The following GSPT1 variants were observed in gnomAD, a reference collection of about 807,000 sequenced individuals.
The protein encoded by GSPT1 is eukaryotic peptide chain release factor GTP-binding subunit ERF3A.
In GSPT1, 20 loss-of-function variants were observed where a neutral mutation model predicts 72.5. The ratio of observed to expected loss-of-function variants is 0.28; its 90% confidence interval spans 0.19 to 0.40. The LOEUF (loss-of-function observed/expected upper bound fraction) is 0.40. Ranked by LOEUF, GSPT1 falls within the 10% of genes least tolerant of loss-of-function variation. GSPT1 has a pLI of 1.00. For missense variants in GSPT1, 580 were observed against 811.9 expected, an observed-to-expected ratio of 0.71 and a Z score of 3.47; for synonymous variants, 334 against 293.5, an observed-to-expected ratio of 1.14 and a Z score of -1.41.
intron 1 of GSPT1, among the ~76,000 whole-genome samples, chr16:11,911,550 T>C (rs1567453731): frequency 1.3e-5 from 1 of 77,552 alleles, no homozygotes; most frequent in Non-Finnish European, 2.2e-5. Flanking sequence ...CACACCCAGC[T>C]ATTTTTTTTT....
At chr16:11,910,250 G>A (rs1271474638) in intron 1 of GSPT1, among the ~76,000 whole-genome samples, 1 of 152,168 alleles carries the variant, frequency 6.6e-6, no homozygotes. Flanking sequence ...TTAGTTTTAT[G>A]AGAGTGACAA....
At chr16:11,900,398 A>G (rs2054391291) in intron 1 of GSPT1, among the ~76,000 whole-genome samples, 1 of 151,986 alleles carries the variant, frequency 6.6e-6, no homozygotes. Context: ...TGGGCCAGAC[A>G]AGGATAAAAG....
chr16:11,915,877 T>G lies in GSPT1; in HGVS notation c.-157A>C. On this transcript the variant is annotated 5_prime_UTR_variant, in exon 1 of 15. Transcript: ENST00000434724. ...TCCCCGGCGTCGCCGCGGCAGCAGCTCCAGTCCCGACTCCACACTCGCGAC... is the reference window on the plus strand; with the variant it reads ...TCCCCGGCGTCGCCGCGGCAGCAGCGCCAGTCCCGACTCCACACTCGCGAC... The G allele has an allele frequency of 8.9e-7, 1 of 1,120,614 alleles. No individual in the cohort carries two copies. The highest frequency in any genetic ancestry group is 1.3e-6 in the Non-Finnish European group (1 of 750,188). 69.4% of individuals were successfully genotyped at this position (1,120,614 alleles called of 1,614,324 possible).
At chr16:11,885,001 G>A (rs537308985) in intron 10 of GSPT1, among the ~76,000 whole-genome samples, 180 bp downstream of exon 10, 1 of 152,150 alleles carries the variant, frequency 6.6e-6, no homozygotes, top group South Asian at 2.1e-4. Context: ...CAAGGAGGCA[G>A]AGCTTGCAGT....
intron 1 of GSPT1, among the ~76,000 whole-genome samples, chr16:11,914,374 G>A (rs550872130): frequency 1.3e-5 from 2 of 152,294 alleles, no homozygotes; most frequent in South Asian, 4.1e-4. Context: ...GCACCTGCAA[G>A]CATGCTACCT....
At chr16:11,895,061 C>G (rs2054316942) in intron 4 of GSPT1, 74 bp from the exon 5 acceptor site, 2 of 830,280 alleles carry the variant, frequency 2.4e-6, no homozygotes, top group East Asian at 2.6e-5. Context: ...ACAACAGCAC[C>G]CTTTAACATA....
At chr16:11,882,138 A>C (rs1401101327) in intron 11 of GSPT1, 2 of 152,206 alleles carry the variant, frequency 1.3e-5, no homozygotes, top group African/African-American at 4.8e-5. Flanking sequence ...AAAATTAGCC[A>C]GATATGGTGA....
intron 11 of GSPT1, among the ~76,000 whole-genome samples, chr16:11,879,410 A>T (rs1194844666): frequency 6.7e-6 from 1 of 150,302 alleles, no homozygotes; most frequent in East Asian, 2.0e-4. Flanking sequence ...AAAAGAAAGA[A>T]ACAAGAGTTT....
In GSPT1 at chr16:11,894,973, T is replaced by G. The variant is rs1309717415; in HGVS notation, c.679A>C (p.Thr227Pro). The change falls in exon 5 of 15, where the codon ACC (threonine) becomes CCC (proline). Residue 227 changes from threonine (T) to proline (P), a missense_variant. Coordinates refer to ENST00000434724, the MANE Select transcript of GSPT1 (RefSeq NM_002094.4). ...FIGHVDAGKS[T>P]IGGQIMYLTG... Reference sequence around the variant, plus strand: ...ACTTACATTATTTGTCCTCCAATGGTTGACTTGCCAGCATCTAAAAGTAAC... The same window carrying G: ...ACTTACATTATTTGTCCTCCAATGGGTGACTTGCCAGCATCTAAAAGTAAC... The G allele has an allele frequency of 6.3e-7, 1 of 1,590,196 alleles. No individual in the cohort carries two copies. Among genetic ancestry groups the G allele is most frequent in the African/African-American group, 1.3e-5 (1 of 74,566 alleles).
chr16:11,871,959 A>G lies in GSPT1; in HGVS notation c.*1160T>C, dbSNP rs573571675. 2 of 152,334 alleles carry G rather than the reference A, an allele frequency of 1.3e-5. No individual in the cohort carries two copies. The highest frequency in any genetic ancestry group is 3.9e-4 in the East Asian group (2 of 5,192). The allele number at this position is 152,334 out of a possible 1,614,324, so 9.4% of individuals were successfully genotyped here. A position where few individuals can be genotyped will look rare whatever the true frequency, so the allele number is the denominator to read the frequency against. The stretch of plus-strand genomic sequence containing the variant: ...CAGTCAATTTCAAATAATTGAGATA[A>G]AACTTATACCCTGCTTGATTCTGCT... On this transcript the variant is annotated 3_prime_UTR_variant, in exon 15 of 15. Transcript: ENST00000434724.
chr16:11,874,774 C>G lies in GSPT1; in HGVS notation c.1861+987G>C, dbSNP rs148320608. 1.3e-4 allele frequency among the ~76,000 whole-genome samples: 20 copies of G among 152,180 alleles called. No homozygotes were observed. In the East Asian group the frequency reaches 3.9e-3, roughly 29 times the overall value. ...CACAGTTCCTGACACTTTGTAGATA[C>G]AAAGTAGTTTTTGCTAAATGGAATT... is the stretch of plus-strand genomic sequence containing the variant. On this transcript the variant is annotated intron_variant, in intron 14 of 14. Coordinates refer to ENST00000434724, the MANE Select transcript of GSPT1 (RefSeq NM_002094.4).
chr16:11,898,915 T>C (rs1420570435), intron 1 of GSPT1, among the ~76,000 whole-genome samples: 1 of 152,176 alleles, frequency 6.6e-6, no homozygotes, highest in Non-Finnish European at 1.5e-5. Context: ...TTTCCTATAC[T>C]AGAACTCTAA....
At chr16:11,884,845 G>C (rs1163551712) in intron 10 of GSPT1, among the ~76,000 whole-genome samples, 2 of 151,204 alleles carry the variant, frequency 1.3e-5, no homozygotes, top group Non-Finnish European at 2.9e-5. Context: ...GAGGCAGGTG[G>C]ATCACAAGGT....
intron 10 of GSPT1, among the ~76,000 whole-genome samples, chr16:11,884,290 C>T (rs1437888529): frequency 6.6e-6 from 1 of 152,148 alleles, no homozygotes; most frequent in Non-Finnish European, 1.5e-5. Flanking sequence ...TATGCATCAA[C>T]TTTAATAAGA....
chr16:11,884,488 G>T (rs2054162103), intron 10 of GSPT1, among the ~76,000 whole-genome samples: 3 of 152,350 alleles, frequency 2.0e-5, no homozygotes, highest in South Asian at 4.1e-4. Context: ...GACCGGGCAT[G>T]GTGGCTCATG....
intron 1 of GSPT1, among the ~76,000 whole-genome samples, chr16:11,909,507 A>G (rs76335558): frequency 2.0e-5 from 3 of 152,212 alleles, no homozygotes; most frequent in African/African-American, 7.2e-5. Flanking sequence ...AATTCTAAAC[A>G]TGCCCCAATA....
rs555491709 is a variant in GSPT1 at position 11,875,022 on chromosome 16, T to A, written c.1861+739A>T. On this transcript the variant is annotated intron_variant, in intron 14 of 14. Coordinates refer to ENST00000434724, the MANE Select transcript of GSPT1 (RefSeq NM_002094.4). ...CTGGCTAACGTGGTGAAACCCCGTCTCTACAAAAATACAAAAAATTAGCCA... is the reference window on the plus strand; with the variant it reads ...CTGGCTAACGTGGTGAAACCCCGTCACTACAAAAATACAAAAAATTAGCCA... Among the ~76,000 whole-genome samples the A allele has an allele frequency of 7.5e-4, 114 of 152,200 alleles. 1 individual carries two copies. In the South Asian group the frequency reaches 0.022, roughly 30 times the overall value.
Position 11,907,474 on chromosome 16 carries a change from A to G in GSPT1, c.352+7895T>C, listed in dbSNP as rs533408468. Among the ~76,000 whole-genome samples the G allele has an allele frequency of 3.3e-5, 5 of 152,356 alleles. No individual in the cohort carries two copies. The East Asian group carries it at 7.7e-4, about 23-fold the overall frequency. ...ATAAGGGGTGGTAAATGCTCAATAAATTTATTACAGCAAGCACTTCAAAGC... is the reference window on the plus strand; with the variant it reads ...ATAAGGGGTGGTAAATGCTCAATAAGTTTATTACAGCAAGCACTTCAAAGC... On this transcript the variant is annotated intron_variant, in intron 1 of 14. Transcript: ENST00000434724.
chr16:11,900,415 C>T (rs1225426512), intron 1 of GSPT1, among the ~76,000 whole-genome samples: 1 of 151,674 alleles, frequency 6.6e-6, no homozygotes, highest in Non-Finnish European at 1.5e-5. Context: ...AAAGTACTCA[C>T]AAATCCATAT....
Sources: gnomAD v4.1 joint callset for allele counts (sites outside exome capture counted in the v4.1 genomes callset) on GRCh38, gnomAD v4.1.1 for gene constraint, MANE v1.5 for transcripts, NCBI Gene and HGNC (gene_info 2026-07-23, HGNC 2026-07-21) for gene names.